The following RBFOX1 variants were observed in gnomAD, a reference collection of about 807,000 sequenced individuals.
RBFOX1 encodes the protein RNA binding protein fox-1 homolog 1.
A neutral mutation model predicts 57.7 loss-of-function variants in RBFOX1; 8 were observed. The ratio of observed to expected loss-of-function variants is 0.14; its 90% CI spans 0.08 to 0.25. The LOEUF is 0.25. Ranked by LOEUF, RBFOX1 falls within the 10% of genes least tolerant of loss-of-function variation. The pLI, the probability that RBFOX1 is intolerant of heterozygous loss-of-function variation, is 1.00. For synonymous variants in RBFOX1, 326 were observed against 222.4 expected (o/e 1.47, Z -4.15); for missense variants, 611 against 548.5 (o/e 1.11, Z -1.14).
chr16:6,323,566 C>T (rs1419746596), intron 2 of RBFOX1, among the ~76,000 whole-genome samples: 2 of 152,198 alleles, frequency 1.3e-5, no homozygotes. Context: ...AATTATTCTT[C>T]TGTCATCCAT....
At chr16:5,983,344 A>C (rs1329810861) in intron 4 of RBFOX1, among the ~76,000 whole-genome samples, 1 of 152,246 alleles carries the variant, frequency 6.6e-6, no homozygotes, top group African/African-American at 2.4e-5. Context: ...CAGCTCCTGC[A>C]CATCCACTTA....
chr16:5,676,746 C>T (rs2050180068), intron 3 of RBFOX1, among the ~76,000 whole-genome samples: 1 of 152,100 alleles, frequency 6.6e-6, no homozygotes, highest in Non-Finnish European at 1.5e-5. Flanking sequence ...CCTGCAATTC[C>T]ACCTACTTAG....
At chr16:7,175,447 C>G (rs1221522412) in intron 4 of RBFOX1, among the ~76,000 whole-genome samples, 7 of 152,162 alleles carry the variant, frequency 4.6e-5, no homozygotes, top group Admixed American at 2.6e-4. Flanking sequence ...GAGCTCCTCC[C>G]CCTTTAACGT....
chr16:7,685,942 G>C (rs777203907), intron 14 of RBFOX1, among the ~76,000 whole-genome samples: 1 of 152,052 alleles, frequency 6.6e-6, no homozygotes, highest in Admixed American at 6.6e-5. Context: ...CGTGGGTCCT[G>C]AATCTCTGTG....
At chr16:7,507,656 C>T (rs1876337) in intron 4 of RBFOX1, among the ~76,000 whole-genome samples, 3,213 of 149,954 alleles carry the variant, frequency 0.021, 126 homozygotes, top group African/African-American at 0.074. Flanking sequence ...CTCCGCCTCC[C>T]GGGTTCACGC....
chr16:5,505,568 T>A (rs2043351288), intron 2 of RBFOX1, among the ~76,000 whole-genome samples: 1 of 152,028 alleles, frequency 6.6e-6, no homozygotes, highest in Admixed American at 6.6e-5. Context: ...AGTGGTCTGG[T>A]TTTTGGGAGG....
intron 4 of RBFOX1, among the ~76,000 whole-genome samples, chr16:7,154,337 T>A (rs2152312851): frequency 1.3e-5 from 2 of 152,302 alleles, no homozygotes; most frequent in South Asian, 4.2e-4. Flanking sequence ...CACTCATCCA[T>A]CTCTGCCTGG....
At chr16:6,606,041 G>A (rs55947024) in intron 2 of RBFOX1, among the ~76,000 whole-genome samples, 1 of 152,008 alleles carries the variant, frequency 6.6e-6, no homozygotes, top group South Asian at 2.1e-4. Context: ...CCCAGGAGGT[G>A]GAGGTTGCAA....
chr16:7,246,388 A>C (rs953351736), intron 4 of RBFOX1, among the ~76,000 whole-genome samples: 4 of 152,148 alleles, frequency 2.6e-5, no homozygotes, highest in Non-Finnish European at 5.9e-5. Context: ...TTCTGAAGTG[A>C]TAACCCGAAT....
intron 4 of RBFOX1, among the ~76,000 whole-genome samples, chr16:7,170,327 C>G (rs1310398217): frequency 6.6e-6 from 1 of 152,154 alleles, no homozygotes; most frequent in Non-Finnish European, 1.5e-5. Flanking sequence ...GACTGGAGTG[C>G]AGTGGAGCAG....
intron 3 of RBFOX1, among the ~76,000 whole-genome samples, chr16:5,700,373 C>T (rs951240407): frequency 2.0e-5 from 3 of 151,942 alleles, no homozygotes; most frequent in East Asian, 3.9e-4. Flanking sequence ...ATTGCCTTCT[C>T]TCTGGAATCA....
intron 4 of RBFOX1, among the ~76,000 whole-genome samples, chr16:7,506,952 T>C (rs898813854): frequency 2.0e-5 from 3 of 152,228 alleles, no homozygotes; most frequent in African/African-American, 7.2e-5. Context: ...CATATGTGCA[T>C]ACAGGACTTT....
At chr16:6,050,694 G>A (rs891931564) in intron 1 of RBFOX1, among the ~76,000 whole-genome samples, 1 of 151,992 alleles carries the variant, frequency 6.6e-6, no homozygotes, top group Non-Finnish European at 1.5e-5. Context: ...AGTTACCGGA[G>A]TACTTCTTAA....
At chr16:5,732,385 C>G (rs1443199888) in intron 3 of RBFOX1, among the ~76,000 whole-genome samples, 3 of 152,196 alleles carry the variant, frequency 2.0e-5, no homozygotes, top group African/African-American at 7.2e-5. Context: ...GCCCAGAAGG[C>G]TCAAAGCAAC....
Position 7,409,779 on chromosome 16 carries a change from C to G in RBFOX1, c.28-108368C>G, listed in dbSNP as rs143020404. Among the ~76,000 whole-genome samples the G allele has an allele frequency of 1.1e-3, 149 of 137,300 alleles. 2 individuals carry two copies. The highest frequency in any genetic ancestry group is 9.5e-3 in the Admixed American group (131 of 13,850). 90.1% of individuals were successfully genotyped at this position (137,300 alleles called of 152,430 possible). ...CAACATGCTTCATTCATTCCTTGCT[C>G]TGGGCATTCCTTGCTGAAGGTCAGG... is the stretch of plus-strand genomic sequence containing the variant. On this transcript the variant is annotated intron_variant, in intron 4 of 15. Coordinates refer to ENST00000550418, the MANE Select transcript of RBFOX1 (RefSeq NM_018723.4).
At chr16:7,066,893 C>G (rs1006298107) in intron 4 of RBFOX1, among the ~76,000 whole-genome samples, 33 of 152,280 alleles carry the variant, frequency 2.2e-4, no homozygotes, top group Middle Eastern at 3.4e-3. Context: ...ATTTTGAACC[C>G]AGACCATTTA....
At chr16:5,910,891 C>G (rs563508066) in intron 4 of RBFOX1, among the ~76,000 whole-genome samples, 1 of 152,252 alleles carries the variant, frequency 6.6e-6, no homozygotes, top group African/African-American at 2.4e-5. Context: ...TACAAACACC[C>G]CACATCCCTC....
chr16:5,311,240 T>G (rs954527753), intron 1 of RBFOX1, among the ~76,000 whole-genome samples: 3 of 152,184 alleles, frequency 2.0e-5, no homozygotes, highest in Non-Finnish European at 4.4e-5. Flanking sequence ...ACATATCACA[T>G]ATATCACACA....
chr16:7,273,192 T>TCCTTCCTCCCTTCCTTCCTCCCTC (rs1567985369), intron 4 of RBFOX1, among the ~76,000 whole-genome samples: 4 of 62,440 alleles, frequency 6.4e-5, no homozygotes, highest in African/African-American at 2.5e-4. Context: ...CTTCCTCCCT[T>TCCTTCCTCCCTTCCTTCCTCCCTC]CCTTCCTCCC....
Sources: allele counts gnomAD v4.1 joint callset (sites outside exome capture counted in the v4.1 genomes callset), GRCh38; gene constraint gnomAD v4.1.1; transcripts MANE v1.5; gene names NCBI Gene and HGNC (gene_info 2026-07-23, HGNC 2026-07-21).